The following PTPDC1 variants were observed in gnomAD, a reference collection of about 807,000 sequenced individuals.
The protein encoded by PTPDC1 is protein tyrosine phosphatase domain containing 1, also known as protein tyrosine phosphatase domain-containing protein 1.
PTPDC1 carries 53 observed loss-of-function variants against 75.3 expected under a neutral mutation model. The observed-to-expected ratio is 0.70, with a 90% CI of 0.56 to 0.88. PTPDC1 has a LOEUF of 0.88. Among genes scored for constraint, PTPDC1 ranks in the 40% least tolerant of loss-of-function variants. PTPDC1 has a pLI of 0.00. For synonymous variants in PTPDC1, 349 were observed against 366.2 expected, an observed-to-expected ratio of 0.95 and a Z score of 0.54; for missense variants, 925 against 998.6, an observed-to-expected ratio of 0.93 and a Z score of 0.99.
At chr9:94,105,699 T>C (rs994680538) in intron 8 of PTPDC1, among the ~76,000 whole-genome samples, 1 of 142,786 alleles carries the variant, frequency 7.0e-6, no homozygotes, top group Non-Finnish European at 1.5e-5. Flanking sequence ...CCAGGCATGG[T>C]GGCTCAAGCC....
intron 4 of PTPDC1, among the ~76,000 whole-genome samples, chr9:94,094,081 T>A (rs1389289813): frequency 6.6e-6 from 1 of 152,214 alleles, no homozygotes; most frequent in African/African-American, 2.4e-5. Flanking sequence ...TCTCTCAGCT[T>A]GTCAAAGTCA....
intron 1 of PTPDC1, among the ~76,000 whole-genome samples, chr9:94,043,109 G>A (rs906959538): frequency 1.3e-5 from 2 of 152,136 alleles, no homozygotes; most frequent in African/African-American, 4.8e-5. Flanking sequence ...CATCCATGAG[G>A]GCTGGAATCA....
chr9:94,090,905 G>A (rs1416720073), intron 4 of PTPDC1, among the ~76,000 whole-genome samples: 1 of 150,904 alleles, frequency 6.6e-6, no homozygotes, highest in Non-Finnish European at 1.5e-5. Flanking sequence ...GTATAAGAAT[G>A]CTTGTGATTT....
chr9:94,047,341 A>G (rs1219079621), intron 1 of PTPDC1, among the ~76,000 whole-genome samples: 1 of 152,184 alleles, frequency 6.6e-6, no homozygotes, highest in Non-Finnish European at 1.5e-5. Flanking sequence ...CTTTGGTATC[A>G]AGATGATGCT....
intron 1 of PTPDC1, among the ~76,000 whole-genome samples, chr9:94,052,868 A>G (rs139682835): frequency 3.7e-4 from 57 of 152,244 alleles, no homozygotes; most frequent in African/African-American, 1.3e-3. Flanking sequence ...TGAGCTTCGA[A>G]GTGTCTTTGA....
chr9:94,095,068 G>T (rs1015861932), intron 4 of PTPDC1, among the ~76,000 whole-genome samples: 1 of 152,250 alleles, frequency 6.6e-6, no homozygotes, highest in African/African-American at 2.4e-5. Context: ...GCTGTAGACC[G>T]GAGCTGTTCC....
intron 7 of PTPDC1, among the ~76,000 whole-genome samples, chr9:94,103,610 T>C (rs1827918827): frequency 6.6e-6 from 1 of 152,158 alleles, no homozygotes; most frequent in Admixed American, 6.5e-5. Flanking sequence ...ATTATGCTCT[T>C]AGAGTAGATT....
chr9:94,044,369 T>A (rs1403931184), intron 1 of PTPDC1, among the ~76,000 whole-genome samples: 1 of 152,216 alleles, frequency 6.6e-6, no homozygotes, highest in Non-Finnish European at 1.5e-5. Flanking sequence ...TAGGTAAATG[T>A]GTACCATGGT....
intron 1 of PTPDC1, among the ~76,000 whole-genome samples, chr9:94,048,488 G>C (rs1825686176): frequency 6.6e-6 from 1 of 152,166 alleles, no homozygotes; most frequent in Admixed American, 6.5e-5. Context: ...GGAGTAGGTT[G>C]TTCAGTTTCC....
upstream of PTPDC1, among the ~76,000 whole-genome samples, chr9:94,083,019 C>G (rs571429451): frequency 2.0e-4 from 31 of 152,192 alleles, 1 homozygote; most frequent in Non-Finnish European, 4.3e-4. Flanking sequence ...CAGAGCTCAC[C>G]ACTCTTGTTT....
intron 1 of PTPDC1, among the ~76,000 whole-genome samples, chr9:94,057,392 AC>A (rs1825977125): frequency 1.3e-5 from 2 of 152,168 alleles, no homozygotes. Flanking sequence ...CCCATTACTA[AC>A]TATTAACAGG....
chr9:94,106,038 TAG>T (rs1828013210), intron 8 of PTPDC1, among the ~76,000 whole-genome samples: 1 of 151,866 alleles, frequency 6.6e-6, no homozygotes, highest in Non-Finnish European at 1.5e-5. Flanking sequence ...GCAAAGGGGA[TAG>T]ATAATATAGT....
chr9:94,096,705 G>A (rs1231264812), intron 5 of PTPDC1, among the ~76,000 whole-genome samples: 1 of 151,962 alleles, frequency 6.6e-6, no homozygotes, highest in Admixed American at 6.6e-5. Flanking sequence ...ATTATATCAT[G>A]GTCTGAAGGA....
chr9:94,088,640 G>A (rs1278553975), intron 4 of PTPDC1, among the ~76,000 whole-genome samples: 1 of 152,144 alleles, frequency 6.6e-6, no homozygotes, highest in Non-Finnish European at 1.5e-5. Flanking sequence ...ACACAGCTTA[G>A]AAATGGTAGT....
intron 4 of PTPDC1, among the ~76,000 whole-genome samples, chr9:94,088,685 G>T (rs1827165018): frequency 6.6e-6 from 1 of 152,176 alleles, no homozygotes; most frequent in Non-Finnish European, 1.5e-5. Context: ...CAGGTTTACT[G>T]CTGTCCAGCC....
chr9:94,083,617 T>G (rs553186154), upstream of PTPDC1, among the ~76,000 whole-genome samples: 1 of 152,368 alleles, frequency 6.6e-6, no homozygotes, highest in East Asian at 1.9e-4. Context: ...CATTAGTGGT[T>G]GTTGCACTTT....
At chr9:94,064,858 C>T in intron 2 of PTPDC1, 1 of 1,469,668 alleles carries the variant, frequency 6.8e-7, no homozygotes, top group Non-Finnish European at 9.5e-7. Context: ...TCTCTCTGTG[C>T]AAGCTGGCAT....
chr9:94,069,823 CTTTT>C (rs763640631), intron 2 of PTPDC1, among the ~76,000 whole-genome samples: 1 of 108,196 alleles, frequency 9.2e-6, no homozygotes, highest in African/African-American at 3.6e-5. Context: ...CCAATACTTT[CTTTT>C]TTTTTTTTTT....
chr9:94,048,053 C>T (rs531589614), intron 1 of PTPDC1, among the ~76,000 whole-genome samples: 34 of 152,292 alleles, frequency 2.2e-4, no homozygotes, highest in African/African-American at 6.5e-4. Context: ...AGGGAATCCT[C>T]CCTTTATCAT....
Sources: allele counts gnomAD v4.1 joint callset (sites outside exome capture counted in the v4.1 genomes callset), GRCh38; gene constraint gnomAD v4.1.1; transcripts MANE v1.5; gene names NCBI Gene and HGNC (gene_info 2026-07-23, HGNC 2026-07-21).